Variants in MAST4 observed in about 807,000 individuals in gnomAD.
MAST4 encodes the protein microtubule associated serine/threonine kinase family member 4, also known as microtubule-associated serine/threonine-protein kinase 4.
MAST4 carries 89 observed loss-of-function variants against 162.7 expected under a neutral mutation model. That is an observed-to-expected ratio of 0.55 (90% confidence interval 0.46 to 0.65). MAST4 has a LOEUF of 0.65. Ranked by LOEUF, MAST4 falls within the 30% of genes least tolerant of loss-of-function variation. The pLI is 0.00. For missense variants in MAST4, 3,153 were observed against 3,374.0 expected, an observed-to-expected ratio of 0.93 and a Z score of 1.62; for synonymous variants, 1,479 against 1,361.1, an observed-to-expected ratio of 1.09 and a Z score of -1.91.
At chr5:66,902,031 G>T (rs462978) in intron 4 of MAST4, among the ~76,000 whole-genome samples, 82,771 of 151,966 alleles carry the variant, frequency 0.54, 23,024 homozygotes, top group African/African-American at 0.63. Context: ...TAGTACCTGA[G>T]AATTAAACCT....
At chr5:66,743,063 C>A (rs537793030) in intron 1 of MAST4, among the ~76,000 whole-genome samples, 1 of 152,192 alleles carries the variant, frequency 6.6e-6, no homozygotes, top group Middle Eastern at 3.2e-3. Flanking sequence ...CCACTCCCTG[C>A]GCGGCTCACC....
At chr5:66,972,540 G>A (rs1390107090) in intron 4 of MAST4, among the ~76,000 whole-genome samples, 2 of 152,160 alleles carry the variant, frequency 1.3e-5, no homozygotes, top group African/African-American at 4.8e-5. Context: ...GTGTGCACAT[G>A]TGTAGATTTG....
intron 4 of MAST4, among the ~76,000 whole-genome samples, chr5:67,040,976 T>C (rs1756671890): frequency 6.6e-6 from 1 of 152,236 alleles, no homozygotes; most frequent in South Asian, 2.1e-4. Flanking sequence ...TCTATAAAGA[T>C]GTGGATAAAA....
chr5:66,835,761 T>C (rs767075212), intron 3 of MAST4, among the ~76,000 whole-genome samples: 4 of 152,182 alleles, frequency 2.6e-5, no homozygotes, highest in Non-Finnish European at 5.9e-5. Context: ...TTTTAAAGTG[T>C]CTTAGAAATT....
At chr5:67,078,911 A>ATAAATAT (rs1762154054) in intron 5 of MAST4, among the ~76,000 whole-genome samples, 1 of 38,102 alleles carries the variant, frequency 2.6e-5, no homozygotes. Context: ...TTTTTATATA[A>ATAAATAT]ATATATATAT....
chr5:66,616,586 G>A (rs1743702092), intron 1 of MAST4, among the ~76,000 whole-genome samples: 1 of 152,154 alleles, frequency 6.6e-6, no homozygotes, highest in Non-Finnish European at 1.5e-5. Flanking sequence ...TTCTGGACTG[G>A]ACTGGAGGGT....
intron 5 of MAST4, among the ~76,000 whole-genome samples, chr5:67,070,399 G>A (rs1389863718): frequency 6.6e-6 from 1 of 152,096 alleles, no homozygotes; most frequent in East Asian, 1.9e-4. Context: ...TAGTGATGTG[G>A]GCTTTAACTA....
intron 1 of MAST4, among the ~76,000 whole-genome samples, chr5:66,673,529 T>TTTC (rs1747753892): frequency 8.3e-6 from 1 of 120,866 alleles, no homozygotes; most frequent in East Asian, 2.0e-4. Flanking sequence ...TTTTGTTTTT[T>TTTC]GTTTTTTTTT....
At chr5:66,890,355 A>G (rs258086) in intron 3 of MAST4, among the ~76,000 whole-genome samples, 70,595 of 151,980 alleles carry the variant, frequency 0.46, 16,758 homozygotes, top group East Asian at 0.67. Context: ...TACTGACTTG[A>G]AAGACAATAT....
intron 4 of MAST4, among the ~76,000 whole-genome samples, chr5:66,910,734 T>C (rs1401681707): frequency 4.7e-5 from 1 of 21,436 alleles, no homozygotes; most frequent in African/African-American, 1.2e-4. Flanking sequence ...ATGTGGTTTT[T>C]TTTTTTCTTT....
chr5:67,058,150 G>A lies in MAST4; in HGVS notation c.763+3658G>A, dbSNP rs149100198. On this transcript the variant is annotated intron_variant, in intron 5 of 28. Coordinates refer to ENST00000403625, the MANE Select transcript of MAST4 (RefSeq NM_001164664.2). ...CTCAGGAGGCTGAGGTGAGAGGATC[G>A]CCTGAGCTGGGGAGATCTAGTCTGC... is the stretch of plus-strand genomic sequence containing the variant. Among the ~76,000 whole-genome samples the A allele has an allele frequency of 1.0e-3, 153 of 152,194 alleles. 2 individuals carry two copies. The highest frequency in any genetic ancestry group is 3.3e-3 in the African/African-American group (139 of 41,526).
At chr5:67,152,149 T>C (rs2151078799) in intron 24 of MAST4, among the ~76,000 whole-genome samples, 1 of 152,226 alleles carries the variant, frequency 6.6e-6, no homozygotes, top group East Asian at 1.9e-4. Flanking sequence ...TTCCTGGCCA[T>C]GTGTGTTGAA....
intron 2 of MAST4, among the ~76,000 whole-genome samples, chr5:66,763,891 A>AG (rs1315945941): frequency 6.6e-6 from 1 of 152,130 alleles, no homozygotes; most frequent in African/African-American, 2.4e-5. Context: ...GTCTTTACTG[A>AG]GGAGGAGGAA....
intron 4 of MAST4, among the ~76,000 whole-genome samples, chr5:66,956,536 G>A (rs1327114715): frequency 6.6e-6 from 1 of 152,150 alleles, no homozygotes; most frequent in Admixed American, 6.5e-5. Context: ...CATCTGTGAG[G>A]TGTAACTCAT....
chr5:67,088,599 T>C (rs1030162145), intron 5 of MAST4, among the ~76,000 whole-genome samples: 2 of 152,110 alleles, frequency 1.3e-5, no homozygotes, highest in Non-Finnish European at 2.9e-5. Flanking sequence ...TTGAGAGAAG[T>C]TGAAAGAACT....
intron 4 of MAST4, among the ~76,000 whole-genome samples, chr5:66,955,333 G>C (rs1745180303): frequency 6.6e-6 from 1 of 152,084 alleles, no homozygotes. Context: ...AAGAGTTCTA[G>C]GCAGTGGGAA....
chr5:66,994,002 G>A (rs964085233), intron 4 of MAST4, among the ~76,000 whole-genome samples: 6 of 137,822 alleles, frequency 4.4e-5, no homozygotes, highest in Admixed American at 2.6e-4. Context: ...AACCATGTGT[G>A]GAGAAATACT....
At chr5:66,768,198 A>G (rs33723) in intron 2 of MAST4, among the ~76,000 whole-genome samples, 23,285 of 152,218 alleles carry the variant, frequency 0.15, 2,114 homozygotes, top group East Asian at 0.46. Flanking sequence ...GAAGGGTATG[A>G]AGGGTCAGTG....
intron 1 of MAST4, among the ~76,000 whole-genome samples, chr5:66,647,747 A>G (rs1394518159): frequency 1.3e-5 from 2 of 152,104 alleles, no homozygotes; most frequent in Admixed American, 6.6e-5. Flanking sequence ...ACACCTGGCC[A>G]GCTCCTGCCT....
Sources: allele counts gnomAD v4.1 joint callset (sites outside exome capture counted in the v4.1 genomes callset), GRCh38; gene constraint gnomAD v4.1.1; transcripts MANE v1.5; gene names NCBI Gene and HGNC (gene_info 2026-07-23, HGNC 2026-07-21).